PTPRD: variants seen among roughly 807,000 people sequenced by gnomAD.
PTPRD encodes protein tyrosine phosphatase receptor type D.
A neutral mutation model predicts 214.5 loss-of-function variants in PTPRD; 34 were observed. The ratio of observed to expected loss-of-function variants is 0.16; its 90% CI spans 0.12 to 0.21. PTPRD has a LOEUF of 0.21. Ranked by LOEUF, PTPRD falls within the 10% of genes least tolerant of loss-of-function variation. The pLI is 1.00. For synonymous variants in PTPRD, 1,128 were observed against 845.7 expected, an observed-to-expected ratio of 1.33 and a Z score of -5.79; for missense variants, 2,545 against 2,398.7, an observed-to-expected ratio of 1.06 and a Z score of -1.27.
chr9:10,233,245 T>A (rs1338332484), intron 3 of PTPRD, among the ~76,000 whole-genome samples: 1 of 151,964 alleles, frequency 6.6e-6, no homozygotes, highest in Non-Finnish European at 1.5e-5. Flanking sequence ...AGAAGGAAAG[T>A]GAGGGGCTTG....
intron 3 of PTPRD, among the ~76,000 whole-genome samples, chr9:10,192,986 A>C (rs1723919050): frequency 6.6e-6 from 1 of 152,168 alleles, no homozygotes. Flanking sequence ...CTAGTATTTA[A>C]GTATTTTCCC....
intron 5 of PTPRD, among the ~76,000 whole-genome samples, chr9:9,846,981 T>C (rs1599620285): frequency 2.0e-5 from 3 of 152,260 alleles, no homozygotes; most frequent in Middle Eastern, 6.8e-3. Context: ...CCATAAAATA[T>C]ATATTTTTTT....
chr9:8,804,249 A>G (rs1030363244), intron 11 of PTPRD, among the ~76,000 whole-genome samples: 5 of 151,994 alleles, frequency 3.3e-5, no homozygotes, highest in African/African-American at 1.2e-4. Context: ...CACTGTGCCC[A>G]GCCCCTCATT....
intron 10 of PTPRD, among the ~76,000 whole-genome samples, chr9:9,053,678 T>C (rs1027035559): frequency 6.6e-6 from 1 of 152,134 alleles, no homozygotes; most frequent in Non-Finnish European, 1.5e-5. Flanking sequence ...CTGTGGTACT[T>C]TTTACAATAG....
At chr9:9,003,048 T>G (rs1242019579) in intron 11 of PTPRD, among the ~76,000 whole-genome samples, 3 of 152,082 alleles carry the variant, frequency 2.0e-5, no homozygotes, top group Non-Finnish European at 4.4e-5. Flanking sequence ...CCTGGAGAGC[T>G]GACTTATCAA....
chr9:9,150,176 G>T (rs1237631696), intron 10 of PTPRD, among the ~76,000 whole-genome samples: 1 of 151,934 alleles, frequency 6.6e-6, no homozygotes, highest in African/African-American at 2.4e-5. Flanking sequence ...TCTAACCATG[G>T]ACATGTCTTG....
intron 39 of PTPRD, among the ~76,000 whole-genome samples, chr9:8,369,922 G>C (rs1294605673): frequency 6.6e-6 from 1 of 151,922 alleles, no homozygotes; most frequent in Non-Finnish European, 1.5e-5. Flanking sequence ...GAGCAAATCA[G>C]TTGTCATGTC....
intron 7 of PTPRD, among the ~76,000 whole-genome samples, chr9:9,682,146 A>T (rs974883350): frequency 3.3e-5 from 5 of 151,700 alleles, no homozygotes; most frequent in Admixed American, 3.3e-4. Flanking sequence ...ATCTTAATGA[A>T]AATTTTATTT....
intron 7 of PTPRD, among the ~76,000 whole-genome samples, chr9:9,661,585 T>G (rs2154380252): frequency 6.6e-6 from 1 of 151,980 alleles, no homozygotes; most frequent in East Asian, 1.9e-4. Context: ...ATATATGCTG[T>G]TTATATTTGT....
At chr9:8,685,464 C>G (rs2097660096) in intron 12 of PTPRD, among the ~76,000 whole-genome samples, 1 of 152,088 alleles carries the variant, frequency 6.6e-6, no homozygotes, top group Non-Finnish European at 1.5e-5. Flanking sequence ...CAGAAGAACT[C>G]CTGTGGGCAA....
At chr9:9,226,076 C>A (rs1486940401) in intron 9 of PTPRD, among the ~76,000 whole-genome samples, 1 of 151,932 alleles carries the variant, frequency 6.6e-6, no homozygotes, top group Non-Finnish European at 1.5e-5. Context: ...TTATCAGTAT[C>A]TAAAAATGAA....
At chr9:8,648,612 G>T (rs2096743162) in intron 12 of PTPRD, among the ~76,000 whole-genome samples, 1 of 152,162 alleles carries the variant, frequency 6.6e-6, no homozygotes, top group Non-Finnish European at 1.5e-5. Flanking sequence ...AAAATACTCA[G>T]ACTGTGCATC....
At chr9:9,196,943 C>A (rs965537315) in intron 9 of PTPRD, among the ~76,000 whole-genome samples, 3 of 152,120 alleles carry the variant, frequency 2.0e-5, no homozygotes, top group Non-Finnish European at 4.4e-5. Context: ...CAGACAAGGT[C>A]AATCTTTGAC....
intron 6 of PTPRD, among the ~76,000 whole-genome samples, chr9:9,760,194 G>A (rs2098639719): frequency 6.6e-6 from 1 of 151,996 alleles, no homozygotes; most frequent in African/African-American, 2.4e-5. Flanking sequence ...GTCTCCCCGG[G>A]TCTATGCCAC....
chr9:9,601,460 C>T (rs970377714), intron 7 of PTPRD, among the ~76,000 whole-genome samples: 3 of 151,896 alleles, frequency 2.0e-5, no homozygotes, highest in Admixed American at 6.6e-5. Flanking sequence ...AACATATAAA[C>T]AATACATGAT....
At chr9:8,828,268 T>C (rs2097213657) in intron 11 of PTPRD, among the ~76,000 whole-genome samples, 1 of 152,220 alleles carries the variant, frequency 6.6e-6, no homozygotes, top group Non-Finnish European at 1.5e-5. Flanking sequence ...GAAGCTCTAA[T>C]ACTCAATGTG....
intron 8 of PTPRD, among the ~76,000 whole-genome samples, chr9:9,443,153 T>A (rs980072847): frequency 2.6e-5 from 4 of 152,110 alleles, no homozygotes; most frequent in Admixed American, 6.5e-5. Context: ...GTTCTTAATA[T>A]CCATTCCTCT....
intron 9 of PTPRD, among the ~76,000 whole-genome samples, chr9:9,347,088 G>A (rs945707341): frequency 2.0e-5 from 3 of 152,096 alleles, no homozygotes; most frequent in Non-Finnish European, 4.4e-5. Context: ...CATCACTTGA[G>A]CCTGGGAGGT....
chr9:8,839,300 T>TTTTA (rs3046017), intron 11 of PTPRD, among the ~76,000 whole-genome samples: 4,467 of 150,236 alleles, frequency 0.03, 77 homozygotes, highest in African/African-American at 0.036. Context: ...ACCAAGGGGA[T>TTTTA]TTTATTTATT....
Sources: allele counts gnomAD v4.1 joint callset (sites outside exome capture counted in the v4.1 genomes callset), GRCh38; gene constraint gnomAD v4.1.1; transcripts MANE v1.5; gene names NCBI Gene and HGNC (gene_info 2026-07-23, HGNC 2026-07-21).